The following PARG variants were observed in gnomAD, a reference collection of about 807,000 sequenced individuals.
PARG encodes mitochondrial poly(ADP-ribose) glycohydrolase.
In PARG, 35 loss-of-function variants were observed where a neutral mutation model predicts 113.0. That is an observed-to-expected ratio of 0.31 (90% CI 0.24 to 0.41). The LOEUF (loss-of-function observed/expected upper bound fraction) is 0.41, where lower values mean the gene tolerates loss of function less well. Ranked by LOEUF, PARG falls within the 10% of genes least tolerant of loss-of-function variation. The pLI is 1.00. For missense variants in PARG, 797 were observed against 1,169.4 expected, an observed-to-expected ratio of 0.68 and a Z score of 4.64; for synonymous variants, 330 against 409.9, an observed-to-expected ratio of 0.81 and a Z score of 2.36.
intron 7 of PARG, among the ~76,000 whole-genome samples, chr10:49,901,912 T>C (rs1318546170): frequency 6.6e-6 from 1 of 152,216 alleles, no homozygotes; most frequent in Non-Finnish European, 1.5e-5. Context: ...TCTAACTTTC[T>C]GCAGTGATGA....
Position 49,922,539 on chromosome 10 carries a change from G to T in PARG, c.1578+8C>A, listed in dbSNP as rs781971236. The T allele has an allele frequency of 6.2e-7, 1 of 1,611,342 alleles. No homozygotes were observed. Among genetic ancestry groups the T allele is most frequent in the Non-Finnish European group, 8.5e-7 (1 of 1,179,568 alleles). On this transcript the variant is annotated splice_region_variant and intron_variant, in intron 5 of 17. Transcript: ENST00000616448. ...CAGAGACTAAAAGAATCTCGGTTTT[G>T]TTCTTACCTCATCTTCCACTGGGTA... is the stretch of plus-strand genomic sequence containing the variant.
At chr10:49,911,090 C>T (rs1837152967) in intron 7 of PARG, among the ~76,000 whole-genome samples, 1 of 152,084 alleles carries the variant, frequency 6.6e-6, no homozygotes, top group African/African-American at 2.4e-5. Flanking sequence ...CGAGACCAGC[C>T]TGACCAAGAT....
At chr10:49,896,932 G>C (rs1309599222) in intron 7 of PARG, among the ~76,000 whole-genome samples, 1 of 152,154 alleles carries the variant, frequency 6.6e-6, no homozygotes, top group Non-Finnish European at 1.5e-5. Flanking sequence ...GGTCCACATA[G>C]TAACCAATGT....
At chr10:49,908,575 G>A (rs2132797111) in intron 7 of PARG, 1 of 152,300 alleles carries the variant, frequency 6.6e-6, no homozygotes, top group African/African-American at 2.4e-5. Flanking sequence ...GTAGTCTTAT[G>A]AAACATTTAA....
chr10:49,909,882 C>G (rs1243145651), intron 7 of PARG: 1 of 168,912 alleles, frequency 5.9e-6, no homozygotes, highest in Non-Finnish European at 1.3e-5. Context: ...AATTCTGAAG[C>G]AATCTTCCTG....
intron 6 of PARG, 149 bp from the exon 7 acceptor site, chr10:49,916,140 G>A (rs1449020546): frequency 1.2e-5 from 8 of 655,590 alleles, no homozygotes; most frequent in Admixed American, 7.4e-5. Flanking sequence ...ATGGACATCA[G>A]TAGCTACAGA....
At position 49,885,760 on chromosome 10, in the gene PARG, C is replaced by A. The variant is rs1461680515; in HGVS notation, c.1738-465G>T. Among the ~76,000 whole-genome samples the A allele has an allele frequency of 3.3e-4, 50 of 152,274 alleles. 1 individual carries two copies. The highest frequency in any genetic ancestry group is 1.2e-3 in the African/African-American group (49 of 41,554). ...GCCACATTAATGACTTCAGAGCATA[C>A]TCTATGGGTCAAATCTAATCTGTTG... is the stretch of plus-strand genomic sequence containing the variant. On this transcript the variant is annotated intron_variant, in intron 7 of 17. Transcript: ENST00000616448.
intron 7 of PARG, among the ~76,000 whole-genome samples, chr10:49,913,772 G>A (rs1319671721): frequency 4.6e-5 from 7 of 152,102 alleles, no homozygotes; most frequent in Middle Eastern, 3.4e-3. Context: ...GCAACGTGGC[G>A]GGCACCTGTA....
At chr10:49,828,568 C>T (rs1844488439) in intron 16 of PARG, among the ~76,000 whole-genome samples, 1 of 152,116 alleles carries the variant, frequency 6.6e-6, no homozygotes, top group African/African-American at 2.4e-5. Flanking sequence ...CCATCTCCCC[C>T]TAGTCCCTTC....
chr10:49,878,709 T>A (rs1365805219), intron 9 of PARG, among the ~76,000 whole-genome samples: 45 of 152,106 alleles, frequency 3.0e-4, no homozygotes, highest in African/African-American at 1.1e-3. Flanking sequence ...TTTGTTTGTG[T>A]ATCCGCTCTA....
intron 15 of PARG, among the ~76,000 whole-genome samples, chr10:49,840,390 CA>C (rs1164773978): frequency 5.3e-3 from 502 of 94,280 alleles, no homozygotes; most frequent in Middle Eastern, 0.011. Context: ...GACCCTGCTT[CA>C]AAAAAAAAAA....
intron 7 of PARG, among the ~76,000 whole-genome samples, chr10:49,894,337 TG>T (rs1847971357): frequency 6.6e-6 from 1 of 152,032 alleles, no homozygotes; most frequent in Non-Finnish European, 1.5e-5. Context: ...CCAATGCGCC[TG>T]GCATCCCTGT....
At chr10:49,917,226 C>T (rs568830399) in intron 6 of PARG, among the ~76,000 whole-genome samples, 2 of 152,232 alleles carry the variant, frequency 1.3e-5, no homozygotes, top group Admixed American at 1.3e-4. Context: ...CGCAGTGGCT[C>T]GCGCCTGTAA....
chr10:49,852,000 A>T (rs1845781566), intron 13 of PARG, among the ~76,000 whole-genome samples: 1 of 151,524 alleles, frequency 6.6e-6, no homozygotes, highest in African/African-American at 2.4e-5. Flanking sequence ...AATGATGATA[A>T]ATTTAATTTA....
intron 7 of PARG, among the ~76,000 whole-genome samples, chr10:49,901,341 T>C (rs1292274325): frequency 1.3e-5 from 2 of 151,758 alleles, no homozygotes; most frequent in Admixed American, 6.6e-5. Context: ...CTTGAACTCC[T>C]GGGCTCAAGC....
chr10:49,922,458 A>G, intron 5 of PARG, 39 bp from the exon 6 acceptor site: 2 of 1,610,052 alleles, frequency 1.2e-6, no homozygotes, highest in Non-Finnish European at 1.7e-6. Context: ...AAGCTATTCT[A>G]AGTTGTTTTG....
At chr10:49,898,144 A>G (rs1216037960) in intron 7 of PARG, among the ~76,000 whole-genome samples, 1 of 152,236 alleles carries the variant, frequency 6.6e-6, no homozygotes, top group Admixed American at 6.5e-5. Context: ...TTAACCACAG[A>G]AAAATCCCTA....
At chr10:49,896,069 C>G (rs1305296487) in intron 7 of PARG, among the ~76,000 whole-genome samples, 2 of 152,144 alleles carry the variant, frequency 1.3e-5, no homozygotes, top group Non-Finnish European at 2.9e-5. Context: ...TTCTGATTTT[C>G]AAACATTTTA....
Position 49,933,906 on chromosome 10 carries a change from T to C in PARG, c.542A>G (p.Gln181Arg), listed in dbSNP as rs1838616821. The change falls in exon 3 of 18, where the codon CAG becomes CGG. Residue 181 changes from glutamine (Q) to arginine (R), a missense_variant. Gln to Arg is a conservative substitution (Grantham distance 43). Around this residue, in one of 5 missense-constraint regions of PARG, gnomAD observed 284 missense variants for 306.1 expected, o/e 0.93. Coordinates refer to ENST00000616448, the MANE Select transcript of PARG (RefSeq NM_003631.5). ...CCGATCAATGTTAGCATTACTAAAC[T>C]GCTCTGGTACCAGGGTTACTGTTTG... Reference protein sequence around the residue: ...EPQTVTLVPEQFSNANIDRSP... With the variant: ...EPQTVTLVPERFSNANIDRSP... The C allele has an allele frequency of 6.2e-7, 1 of 1,604,066 alleles. No homozygotes were observed. The highest frequency in any genetic ancestry group is 8.5e-7 in the Non-Finnish European group (1 of 1,170,986).
Sources: allele counts gnomAD v4.1 joint callset (sites outside exome capture counted in the v4.1 genomes callset), GRCh38; gene constraint gnomAD v4.1.1; regional missense constraint gnomAD v4.1.1; transcripts MANE v1.5; gene names NCBI Gene and HGNC (gene_info 2026-07-23, HGNC 2026-07-21).